Variants in EIF4G3 observed in about 807,000 individuals in gnomAD.
EIF4G3 encodes the protein eukaryotic translation initiation factor 4 gamma 3, also known as eIF-4-gamma 3.
In EIF4G3, 34 loss-of-function variants were observed where a neutral mutation model predicts 186.4. That is an observed-to-expected ratio of 0.18 (90% CI 0.14 to 0.24). The LOEUF is 0.24. Ranked by LOEUF, EIF4G3 falls within the 10% of genes least tolerant of loss-of-function variation. The pLI, the probability that EIF4G3 is intolerant of heterozygous loss-of-function variation, is 1.00. For missense variants in EIF4G3, 1,536 were observed against 1,948.5 expected (o/e 0.79, Z 3.99); for synonymous variants, 673 against 679.5 (o/e 0.99, Z 0.15).
chr1:21,013,655 T>C (rs2087890972), intron 4 of EIF4G3, among the ~76,000 whole-genome samples: 1 of 152,128 alleles, frequency 6.6e-6, no homozygotes, highest in Non-Finnish European at 1.5e-5. Flanking sequence ...ACATCTAACA[T>C]GCCACTCTTA....
rs984953449 is a variant in EIF4G3, at chr1:20,965,460, C to T, written c.714+4014G>A. ...ATTGCCATTCATTTCCACAATCACC[C>T]CAATTTAGATGGTAAATTATATGGT... is the stretch of plus-strand genomic sequence containing the variant. On this transcript the variant is annotated intron_variant, in intron 12 of 36. Transcript: ENST00000602326. Among the ~76,000 whole-genome samples, 23 of 152,158 alleles carry T rather than the reference C, an allele frequency of 1.5e-4. 1 individual carries two copies. Among genetic ancestry groups the T allele is most frequent in the African/African-American group, 5.6e-4 (23 of 41,432 alleles).
intron 27 of EIF4G3, among the ~76,000 whole-genome samples, chr1:20,852,002 TG>T (rs2073447536): frequency 6.6e-6 from 1 of 152,176 alleles, no homozygotes; most frequent in Non-Finnish European, 1.5e-5. Flanking sequence ...TGGGTGACAG[TG>T]AGACTCTGTC....
Position 20,853,644 on chromosome 1 carries a change from C to G in EIF4G3, c.3467G>C (p.Arg1156Thr). The G allele has an allele frequency of 6.2e-7, 1 of 1,613,910 alleles. No individual in the cohort carries two copies. Among genetic ancestry groups the G allele is most frequent in the African/African-American group, 1.3e-5 (1 of 75,008 alleles). Residue 1156 changes from arginine to threonine, a missense_variant, in exon 27 of 37, where the codon AGA becomes ACA. By Grantham distance (71) the Arg-to-Thr change is moderately conservative. Around this residue, in one of 11 missense-constraint regions of EIF4G3, gnomAD observed 395 missense variants for 498.9 expected, o/e 0.79. Transcript: ENST00000602326. ...ALRSSASSLN[R>T]FSALQPPAPS... ...TGCTGGAGGTTGCAGGGCAGAGAAT[C>G]TGTTTAAACTGGAAGCACTTGACCG...
At position 20,992,422 on chromosome 1, in the gene EIF4G3, TCAG is replaced by T. The variant is rs369804859; in HGVS notation, c.177+5176_177+5178del. ...ATAATGAAAAAGAAATCTACATAAA[TCAG>T]CAGTTCTTTTCAAAAGTTTCTTTTT... On this transcript the variant is annotated intron_variant, in intron 7 of 36. Transcript: ENST00000602326. Among the ~76,000 whole-genome samples the T allele has an allele frequency of 3.0e-4, 46 of 152,200 alleles. 1 individual carries two copies. Among genetic ancestry groups the T allele is most frequent in the African/African-American group, 1.0e-3 (42 of 41,510 alleles).
intron 7 of EIF4G3, among the ~76,000 whole-genome samples, chr1:20,995,337 G>A (rs562184424): frequency 6.6e-6 from 1 of 152,092 alleles, no homozygotes; most frequent in Non-Finnish European, 1.5e-5. Context: ...GTCTTAATAA[G>A]AAAGGCCCAG....
intron 2 of EIF4G3, among the ~76,000 whole-genome samples, chr1:21,121,004 C>T (rs917196914): frequency 6.6e-6 from 1 of 152,138 alleles, no homozygotes; most frequent in Non-Finnish European, 1.5e-5. Flanking sequence ...TCTACAGCCT[C>T]AACTTCCTGG....
chr1:20,936,757 T>C (rs1329527049), intron 14 of EIF4G3, among the ~76,000 whole-genome samples: 2 of 152,216 alleles, frequency 1.3e-5, no homozygotes, highest in African/African-American at 4.8e-5. Context: ...GTTATTAAAA[T>C]ATTTTTCTTG....
At chr1:20,823,412 C>T (rs2062869749) in intron 33 of EIF4G3, among the ~76,000 whole-genome samples, 1 of 152,010 alleles carries the variant, frequency 6.6e-6, no homozygotes, top group South Asian at 2.1e-4. Context: ...GATAGGCTCT[C>T]ACTTTGTCTC....
intron 2 of EIF4G3, among the ~76,000 whole-genome samples, chr1:21,173,254 T>G (rs892728878): frequency 6.8e-6 from 1 of 146,120 alleles, no homozygotes; most frequent in African/African-American, 2.5e-5. Context: ...TGGAGCGCAG[T>G]GGTGCAGTCT....
intron 2 of EIF4G3, chr1:21,167,981 C>T (rs2097886445): frequency 6.6e-6 from 3 of 456,030 alleles, no homozygotes; most frequent in Non-Finnish European, 1.4e-5. Flanking sequence ...TTGAACATTC[C>T]CCTTTGTAAT....
intron 4 of EIF4G3, among the ~76,000 whole-genome samples, chr1:21,010,434 A>G (rs1030542896): frequency 7.3e-5 from 11 of 149,996 alleles, no homozygotes; most frequent in African/African-American, 4.9e-5. Flanking sequence ...AAAAAAAAAA[A>G]AAAGAAAAAG....
At chr1:20,998,089 G>C (rs2082686296) in intron 6 of EIF4G3, among the ~76,000 whole-genome samples, 1 of 151,986 alleles carries the variant, frequency 6.6e-6, no homozygotes, top group Non-Finnish European at 1.5e-5. Flanking sequence ...AAGTCCAGCA[G>C]GAAGTAAAAA....
intron 4 of EIF4G3, among the ~76,000 whole-genome samples, chr1:21,024,699 C>G (rs2091765341): frequency 6.7e-6 from 1 of 149,910 alleles, no homozygotes; most frequent in Non-Finnish European, 1.5e-5. Context: ...GCAGCATGCT[C>G]GTTAAGAGTC....
chr1:21,038,670 C>G (rs2093381226), intron 4 of EIF4G3, among the ~76,000 whole-genome samples: 1 of 152,190 alleles, frequency 6.6e-6, no homozygotes, highest in African/African-American at 2.4e-5. Context: ...TTCTCTCTCT[C>G]TGTTTCTCTT....
At chr1:21,006,314 C>G (rs1457993923) in intron 4 of EIF4G3, among the ~76,000 whole-genome samples, 4 of 152,280 alleles carry the variant, frequency 2.6e-5, no homozygotes, top group Non-Finnish European at 5.9e-5. Context: ...TGTTTCATGT[C>G]AAATGCACAG....
At chr1:20,923,219 G>A (rs1014944409) in intron 14 of EIF4G3, among the ~76,000 whole-genome samples, 3 of 152,038 alleles carry the variant, frequency 2.0e-5, no homozygotes, top group Admixed American at 6.6e-5. Context: ...TGTGCAGTTT[G>A]TTGCCCCAAC....
intron 2 of EIF4G3, among the ~76,000 whole-genome samples, chr1:21,173,965 T>A (rs2098046047): frequency 6.6e-6 from 1 of 152,220 alleles, no homozygotes; most frequent in Non-Finnish European, 1.5e-5. Context: ...ACTTCACCAC[T>A]GGTATGTCTG....
intron 30 of EIF4G3, among the ~76,000 whole-genome samples, chr1:20,835,632 T>C (rs1007747383): frequency 6.6e-6 from 1 of 152,044 alleles, no homozygotes; most frequent in African/African-American, 2.4e-5. Flanking sequence ...CTCATAGATA[T>C]ATACAACAAA....
chr1:21,115,994 G>T (rs557468925), intron 2 of EIF4G3, among the ~76,000 whole-genome samples: 1 of 152,038 alleles, frequency 6.6e-6, no homozygotes, highest in Non-Finnish European at 1.5e-5. Context: ...AAAGTGCTAC[G>T]ATTACAGGTG....
Sources: gnomAD v4.1 joint callset for allele counts (sites outside exome capture counted in the v4.1 genomes callset) on GRCh38, gnomAD v4.1.1 for gene constraint, gnomAD v4.1.1 regional missense constraint, MANE v1.5 for transcripts, NCBI Gene and HGNC (gene_info 2026-07-23, HGNC 2026-07-21) for gene names.